The following NAV3 variants were observed in gnomAD, a reference collection of about 807,000 sequenced individuals.
NAV3 encodes neuron navigator 3, also known as pore membrane and/or filament interacting like protein 1.
A neutral mutation model predicts 244.7 loss-of-function variants in NAV3; 87 were observed. The observed-to-expected ratio is 0.36, with a 90% CI of 0.30 to 0.42. The LOEUF is 0.42. Ranked by LOEUF, NAV3 falls within the 20% of genes least tolerant of loss-of-function variation. The pLI is 1.00. For synonymous variants in NAV3, 1,126 were observed against 1,042.2 expected (o/e 1.08, Z -1.55); for missense variants, 2,663 against 2,893.3 (o/e 0.92, Z 1.83).
chr12:77,658,940 C>T (rs951387211), intron 2 of NAV3, among the ~76,000 whole-genome samples: 1 of 152,152 alleles, frequency 6.6e-6, no homozygotes, highest in Non-Finnish European at 1.5e-5. Context: ...GTTCCTTACA[C>T]CTTATACAAA....
At chr12:77,844,525 T>TATAGGTGTG (rs1290554480) in intron 1 of NAV3, among the ~76,000 whole-genome samples, 12 of 152,150 alleles carry the variant, frequency 7.9e-5, no homozygotes, top group African/African-American at 2.9e-4. Flanking sequence ...GCAATAAATT[T>TATAGGTGTG]TTTTGAGTTG....
intron 1 of NAV3, among the ~76,000 whole-genome samples, chr12:77,871,105 C>G (rs1396704486): frequency 6.6e-6 from 1 of 152,134 alleles, no homozygotes; most frequent in East Asian, 1.9e-4. Context: ...TACAAGGGAA[C>G]ATGTCTGTGC....
intron 1 of NAV3, among the ~76,000 whole-genome samples, chr12:77,882,654 A>G (rs77508687): frequency 0.08 from 12,231 of 152,222 alleles, 690 homozygotes; most frequent in Non-Finnish European, 0.12. Flanking sequence ...ACCTTAGAGC[A>G]TAGGAGAAAA....
chr12:77,862,757 A>G (rs536876798), intron 1 of NAV3, among the ~76,000 whole-genome samples: 3 of 151,848 alleles, frequency 2.0e-5, no homozygotes, highest in Non-Finnish European at 4.4e-5. Flanking sequence ...TTCTTCTTAA[A>G]ACATTATTTT....
At chr12:77,930,393 C>T (rs1039507233) in intron 1 of NAV3, among the ~76,000 whole-genome samples, 1 of 151,610 alleles carries the variant, frequency 6.6e-6, no homozygotes, top group Non-Finnish European at 1.5e-5. Context: ...ATAATTGCCT[C>T]ACTTTTTTAT....
intron 12 of NAV3, among the ~76,000 whole-genome samples, chr12:78,094,877 T>C (rs767131755): frequency 1.3e-5 from 2 of 151,620 alleles, no homozygotes; most frequent in African/African-American, 4.8e-5. Context: ...TGAAACCCCG[T>C]CTCTACTAAA....
intron 2 of NAV3, among the ~76,000 whole-genome samples, chr12:77,767,022 GAT>G (rs1200308586): frequency 6.6e-6 from 1 of 152,072 alleles, no homozygotes; most frequent in Non-Finnish European, 1.5e-5. Flanking sequence ...CCAGTGCTGA[GAT>G]TACAGGCATG....
chr12:77,694,475 T>TAAAA (rs755271316), intron 2 of NAV3, among the ~76,000 whole-genome samples: 9 of 134,376 alleles, frequency 6.7e-5, no homozygotes, highest in African/African-American at 2.5e-4. Flanking sequence ...CCATCTCAAT[T>TAAAA]AAAAAAAAAA....
chr12:77,735,761 T>A (rs1877309156), intron 2 of NAV3, among the ~76,000 whole-genome samples: 1 of 152,182 alleles, frequency 6.6e-6, no homozygotes, highest in Non-Finnish European at 1.5e-5. Flanking sequence ...CTTGAATCTA[T>A]CTATTGTTAT....
chr12:77,817,350 T>C (rs1872564331), intron 2 of NAV3, among the ~76,000 whole-genome samples: 1 of 152,206 alleles, frequency 6.6e-6, no homozygotes, highest in Non-Finnish European at 1.5e-5. Flanking sequence ...TGCAGAATAA[T>C]AAGCCCTGCT....
At chr12:78,060,656 A>T (rs1364195142) in intron 12 of NAV3, among the ~76,000 whole-genome samples, 1 of 152,198 alleles carries the variant, frequency 6.6e-6, no homozygotes, top group Non-Finnish European at 1.5e-5. Context: ...GCATCTAATT[A>T]AATAGAGTGG....
chr12:77,632,920 T>C (rs1246288313), intron 2 of NAV3, among the ~76,000 whole-genome samples: 1 of 152,150 alleles, frequency 6.6e-6, no homozygotes, highest in East Asian at 1.9e-4. Flanking sequence ...GCCTGATAGG[T>C]ACCTAGAAAT....
At chr12:77,905,935 G>A (rs780657497) in intron 1 of NAV3, among the ~76,000 whole-genome samples, 7 of 152,216 alleles carry the variant, frequency 4.6e-5, no homozygotes, top group South Asian at 2.1e-4. Context: ...CGTGAGTACC[G>A]TTCCCACGAT....
intron 1 of NAV3, among the ~76,000 whole-genome samples, chr12:77,901,887 G>A (rs923336610): frequency 2.0e-5 from 3 of 152,024 alleles, no homozygotes; most frequent in Non-Finnish European, 4.4e-5. Context: ...GCTCTGAGAT[G>A]CCCCAGTACT....
chr12:77,925,876 T>C (rs147765899), intron 1 of NAV3, among the ~76,000 whole-genome samples: 325 of 152,302 alleles, frequency 2.1e-3, no homozygotes, highest in African/African-American at 7.5e-3. Flanking sequence ...TATAATTTAT[T>C]GTAGTTTTAA....
chr12:77,833,589 TAC>T (rs1242582360), intron 1 of NAV3, among the ~76,000 whole-genome samples: 2 of 152,210 alleles, frequency 1.3e-5, no homozygotes, highest in East Asian at 3.9e-4. Context: ...GGGCGTGTGT[TAC>T]AGTGTGTTCT....
intron 1 of NAV3, among the ~76,000 whole-genome samples, chr12:77,904,136 C>A (rs1310405845): frequency 6.6e-6 from 1 of 152,188 alleles, no homozygotes; most frequent in Non-Finnish European, 1.5e-5. Flanking sequence ...CCAGCCATCC[C>A]ATTACTGGGT....
intron 5 of NAV3, among the ~76,000 whole-genome samples, chr12:77,978,948 T>A (rs1482818053): frequency 6.6e-6 from 1 of 151,896 alleles, no homozygotes; most frequent in Non-Finnish European, 1.5e-5. Flanking sequence ...TTGAGGTTAG[T>A]TTTCACTAGA....
intron 9 of NAV3, among the ~76,000 whole-genome samples, chr12:78,038,099 A>G (rs1340243530): frequency 6.6e-6 from 1 of 152,200 alleles, no homozygotes; most frequent in African/African-American, 2.4e-5. Flanking sequence ...TTCTGGCATA[A>G]TCTTTAACTA....
Sources: gnomAD v4.1 joint callset for allele counts (sites outside exome capture counted in the v4.1 genomes callset) on GRCh38, gnomAD v4.1.1 for gene constraint, MANE v1.5 for transcripts, NCBI Gene and HGNC (gene_info 2026-07-23, HGNC 2026-07-21) for gene names.